SLC39A11: variants seen among roughly 807,000 people sequenced by gnomAD.
SLC39A11 encodes the protein zinc transporter ZIP11.
A neutral mutation model predicts 36.1 loss-of-function variants in SLC39A11; 33 were observed. The ratio of observed to expected loss-of-function variants is 0.91; its 90% CI spans 0.69 to 1.22. The LOEUF (loss-of-function observed/expected upper bound fraction) is 1.22. Among genes scored for constraint, SLC39A11 ranks in the 50% most tolerant of loss-of-function variants. SLC39A11 has a pLI of 0.00. For missense variants in SLC39A11, 432 were observed against 430.3 expected (o/e 1.00, Z -0.03); for synonymous variants, 166 against 170.3 (o/e 0.97, Z 0.20).
At chr17:73,079,154 T>A (rs2060431041) in intron 3 of SLC39A11, among the ~76,000 whole-genome samples, 1 of 152,026 alleles carries the variant, frequency 6.6e-6, no homozygotes, top group Non-Finnish European at 1.5e-5. Flanking sequence ...AGTGCAAGGG[T>A]GCATGCAATC....
intron 7 of SLC39A11, among the ~76,000 whole-genome samples, chr17:72,701,727 C>CAAAAAAAAAAA (rs57220008): frequency 5.6e-5 from 5 of 88,840 alleles, no homozygotes; most frequent in Non-Finnish European, 6.3e-5. Context: ...GATTCTGTCT[C>CAAAAAAAAAAA]AAAAAAAAAA....
At chr17:73,015,103 T>C (rs1416831236) in intron 4 of SLC39A11, among the ~76,000 whole-genome samples, 1 of 152,208 alleles carries the variant, frequency 6.6e-6, no homozygotes, top group Non-Finnish European at 1.5e-5. Flanking sequence ...TGAGTTTCCA[T>C]CCTACTCTGG....
At chr17:72,927,537 G>A (rs897846384) in intron 5 of SLC39A11, among the ~76,000 whole-genome samples, 4 of 152,014 alleles carry the variant, frequency 2.6e-5, no homozygotes, top group Non-Finnish European at 5.9e-5. Flanking sequence ...AAAAACTCCC[G>A]GTGATTATAA....
intron 6 of SLC39A11, among the ~76,000 whole-genome samples, chr17:72,846,358 C>T (rs1055883958): frequency 6.6e-6 from 1 of 151,678 alleles, no homozygotes; most frequent in African/African-American, 2.4e-5. Context: ...AATACTTTTG[C>T]ATCACCATAG....
chr17:72,785,220 T>C (rs1568088316), intron 6 of SLC39A11, among the ~76,000 whole-genome samples: 1 of 152,114 alleles, frequency 6.6e-6, no homozygotes, highest in Non-Finnish European at 1.5e-5. Flanking sequence ...CCTGATACAT[T>C]TGGAGATGAA....
At chr17:72,688,619 G>A (rs1332188768) in intron 7 of SLC39A11, among the ~76,000 whole-genome samples, 2 of 152,342 alleles carry the variant, frequency 1.3e-5, no homozygotes, top group East Asian at 1.9e-4. Flanking sequence ...CTTAGGGCAT[G>A]AGCAGTTCAC....
At chr17:72,861,775 T>TAG in intron 5 of SLC39A11, among the ~76,000 whole-genome samples, 1 of 101,936 alleles carries the variant, frequency 9.8e-6, no homozygotes, top group Non-Finnish European at 2.0e-5. Flanking sequence ...TATATATATA[T>TAG]ATATATATCC....
intron 6 of SLC39A11, among the ~76,000 whole-genome samples, chr17:72,841,392 GCAA>G (rs2078801065): frequency 6.6e-6 from 1 of 152,198 alleles, no homozygotes; most frequent in Admixed American, 6.5e-5. Flanking sequence ...CCGGTCATTT[GCAA>G]CAACATGGAT....
At chr17:72,894,997 C>A (rs1355952954) in intron 5 of SLC39A11, among the ~76,000 whole-genome samples, 1 of 152,050 alleles carries the variant, frequency 6.6e-6, no homozygotes, top group African/African-American at 2.4e-5. Flanking sequence ...TCCACTGTTT[C>A]CCCAGAAACT....
intron 6 of SLC39A11, among the ~76,000 whole-genome samples, chr17:72,801,381 T>C (rs1365166317): frequency 6.6e-6 from 1 of 152,202 alleles, no homozygotes; most frequent in African/African-American, 2.4e-5. Context: ...CCATGACACC[T>C]GGCTAACTTT....
At chr17:72,768,270 G>A (rs1387856490) in intron 6 of SLC39A11, among the ~76,000 whole-genome samples, 3 of 152,216 alleles carry the variant, frequency 2.0e-5, no homozygotes, top group Admixed American at 6.5e-5. Context: ...AGCCTCACAA[G>A]GCAGTTGAGT....
At chr17:72,952,153 T>TGGG (rs2085908704) in intron 4 of SLC39A11, among the ~76,000 whole-genome samples, 2 of 152,164 alleles carry the variant, frequency 1.3e-5, no homozygotes, top group African/African-American at 4.8e-5. Flanking sequence ...CTACAGAAAG[T>TGGG]ATCTCCGGAG....
At chr17:72,777,501 G>A (rs967643869) in intron 6 of SLC39A11, among the ~76,000 whole-genome samples, 1 of 152,242 alleles carries the variant, frequency 6.6e-6, no homozygotes, top group Non-Finnish European at 1.5e-5. Context: ...TATAAAAAAC[G>A]AAAACCGAAA....
intron 7 of SLC39A11, among the ~76,000 whole-genome samples, chr17:72,673,748 AAGAAACAGTCGG>A (rs2071125490): frequency 6.6e-6 from 1 of 152,140 alleles, no homozygotes; most frequent in Non-Finnish European, 1.5e-5. Flanking sequence ...ACACTTCTGT[AAGAAACAGTCGG>A]AGTTATTCAA....
chr17:73,088,707 C>T lies in SLC39A11; in HGVS notation c.58G>A (p.Gly20Arg), dbSNP rs745704557. The T allele has an allele frequency of 6.8e-6, 11 of 1,612,696 alleles. No individual in the cohort carries two copies. Among genetic ancestry groups the T allele is most frequent in the Non-Finnish European group, 9.3e-6 (11 of 1,179,416 alleles). Reference protein sequence around the residue: ...QALLGTFFTWGMTAAGAALVF... With the variant: ...QALLGTFFTWRMTAAGAALVF... ...AGAGCTGCCCCAGCTGCTGTCATCC[C>T]CCAGGTGAAGAAGGTCCCCAGCAAG... The change falls in exon 2 of 10, where the codon GGG becomes AGG. Residue 20 changes from glycine to arginine, a missense_variant. By Grantham distance (125) the Gly-to-Arg change is moderately radical. Transcript: ENST00000255559.
intron 3 of SLC39A11, among the ~76,000 whole-genome samples, chr17:73,049,344 T>C (rs1255712188): frequency 1.3e-5 from 2 of 151,956 alleles, no homozygotes; most frequent in Non-Finnish European, 2.9e-5. Flanking sequence ...CAGGTTAGGG[T>C]TGGGACCAGG....
At chr17:73,047,990 A>AAAAAAAAAAAAAATATATAT (rs1555693446) in intron 3 of SLC39A11, among the ~76,000 whole-genome samples, 1 of 58,702 alleles carries the variant, frequency 1.7e-5, no homozygotes, top group Non-Finnish European at 3.0e-5. Context: ...AAAAAAAAAA[A>AAAAAAAAAAAAAATATATAT]ATATATATAT....
intron 5 of SLC39A11, among the ~76,000 whole-genome samples, chr17:72,926,367 C>T (rs1398358275): frequency 6.6e-6 from 1 of 152,162 alleles, no homozygotes; most frequent in African/African-American, 2.4e-5. Flanking sequence ...GCTAAAGCCA[C>T]AAAGGCCAAA....
chr17:72,677,388 C>A (rs12945690), intron 7 of SLC39A11, among the ~76,000 whole-genome samples: 67,014 of 152,008 alleles, frequency 0.44, 15,519 homozygotes, highest in Admixed American at 0.51. Context: ...AGGAGAAAGG[C>A]CAACATCTGG....
Sources: gnomAD v4.1 joint callset for allele counts (sites outside exome capture counted in the v4.1 genomes callset) on GRCh38, gnomAD v4.1.1 for gene constraint, MANE v1.5 for transcripts, NCBI Gene and HGNC (gene_info 2026-07-23, HGNC 2026-07-21) for gene names.